MAP3K7: variants seen among roughly 807,000 people sequenced by gnomAD.
MAP3K7 encodes mitogen-activated protein kinase kinase kinase 7.
MAP3K7 carries 21 observed loss-of-function variants against 84.8 expected under a neutral mutation model. The observed-to-expected ratio is 0.25, with a 90% CI of 0.18 to 0.36. MAP3K7 has a LOEUF of 0.36. Among genes scored for constraint, MAP3K7 ranks in the 10% least tolerant of loss-of-function variants. MAP3K7 has a pLI of 1.00. For missense variants in MAP3K7, 503 were observed against 747.7 expected, an observed-to-expected ratio of 0.67 and a Z score of 3.82; for synonymous variants, 241 against 247.7, an observed-to-expected ratio of 0.97 and a Z score of 0.25.
chr6:90,540,174 T>G (rs2127967284), intron 12 of MAP3K7, among the ~76,000 whole-genome samples: 1 of 152,024 alleles, frequency 6.6e-6, no homozygotes, highest in Non-Finnish European at 1.5e-5. Context: ...TATTCAATCT[T>G]CTTTTGCATA....
intron 13 of MAP3K7, among the ~76,000 whole-genome samples, chr6:90,535,937 G>T (rs939936834): frequency 2.6e-5 from 4 of 152,152 alleles, no homozygotes; most frequent in African/African-American, 7.2e-5. Flanking sequence ...GGCGCTAGAG[G>T]AGTAGCAACT....
rs770452435 is a variant in MAP3K7, at chr6:90,536,384, G to C, written c.1309C>G (p.Arg437Gly). 3.1e-6 allele frequency: 5 copies of C among 1,611,794 alleles called. No homozygotes were observed. Among genetic ancestry groups the C allele is most frequent in the Non-Finnish European group, 4.2e-6 (5 of 1,178,452 alleles). The change falls in exon 13 of 17, where the codon CGT (arginine) becomes GGT (glycine). Residue 437 changes from arginine to glycine, a missense_variant. Arg to Gly is a moderately radical substitution (Grantham distance 125). Around this residue, in one of 5 missense-constraint regions of MAP3K7, gnomAD observed 286 missense variants for 313.6 expected, o/e 0.91. Coordinates refer to ENST00000369329, the MANE Select transcript of MAP3K7 (RefSeq NM_145331.3). ...ACAGTCAAGTCTTGGATGGATCTAC[G>C]TCTTGGCTGTCCGTTGCCTTTAAAA... is the stretch of plus-strand genomic sequence containing the variant. ...IVISGNGQPRRRSIQDLTVTG... is the reference protein window; with the variant it reads ...IVISGNGQPRGRSIQDLTVTG...
intron 14 of MAP3K7, among the ~76,000 whole-genome samples, chr6:90,523,365 G>T (rs530734689): frequency 6.6e-6 from 1 of 151,968 alleles, no homozygotes; most frequent in South Asian, 2.1e-4. Flanking sequence ...CTAGTAGGAT[G>T]AATCTAGTAG....
intron 5 of MAP3K7, 24 bp from the exon 6 acceptor site, chr6:90,556,648 A>G: frequency 6.4e-7 from 1 of 1,573,048 alleles, no homozygotes; most frequent in East Asian, 2.3e-5. Context: ...AACAAAAAAC[A>G]TCAAAAGTTA....
chr6:90,547,181 C>A, intron 11 of MAP3K7, 77 bp downstream of exon 11: 2 of 1,533,910 alleles, frequency 1.3e-6, no homozygotes, highest in Non-Finnish European at 1.8e-6. Context: ...ACACAAAAAA[C>A]CTTTGACAAC....
intron 13 of MAP3K7, among the ~76,000 whole-genome samples, chr6:90,526,225 T>C (rs1213212503): frequency 6.6e-6 from 1 of 152,084 alleles, no homozygotes; most frequent in Non-Finnish European, 1.5e-5. Context: ...ACAGTAAAAC[T>C]TGAACTCCAT....
chr6:90,547,227 T>C (rs1776029599), intron 11 of MAP3K7, 31 bp downstream of exon 11: 9 of 1,612,044 alleles, frequency 5.6e-6, no homozygotes, highest in Non-Finnish European at 6.8e-6. Context: ...TATATACATT[T>C]TCACTCTTCA....
chr6:90,572,256 G>A (rs1776930588), intron 1 of MAP3K7, among the ~76,000 whole-genome samples: 1 of 152,040 alleles, frequency 6.6e-6, no homozygotes, highest in Non-Finnish European at 1.5e-5. Context: ...CAGGGATAGG[G>A]AATGGAGGAG....
chr6:90,533,687 ATCACGGTC>A (rs1183098675), intron 13 of MAP3K7, among the ~76,000 whole-genome samples: 2 of 152,158 alleles, frequency 1.3e-5, no homozygotes, highest in Admixed American at 6.6e-5. Flanking sequence ...GTCTCCTTTT[ATCACGGTC>A]TCAGCATTAT....
chr6:90,546,069 G>T (rs1009249619), intron 11 of MAP3K7, among the ~76,000 whole-genome samples: 1 of 152,116 alleles, frequency 6.6e-6, no homozygotes, highest in African/African-American at 2.4e-5. Flanking sequence ...GTTACTTCAA[G>T]ATCACAGAGC....
chr6:90,535,929 C>T (rs991589037), intron 13 of MAP3K7, among the ~76,000 whole-genome samples: 19 of 152,294 alleles, frequency 1.2e-4, no homozygotes, highest in South Asian at 2.1e-4. Flanking sequence ...CCCTACGTGG[C>T]GCTAGAGGAG....
intron 12 of MAP3K7, among the ~76,000 whole-genome samples, chr6:90,541,250 T>C (rs1389814554): frequency 6.6e-6 from 1 of 152,032 alleles, no homozygotes; most frequent in African/African-American, 2.4e-5. Context: ...ATAAAAAACA[T>C]TTAAGAAAAT....
intron 1 of MAP3K7, among the ~76,000 whole-genome samples, chr6:90,583,173 G>A (rs566690881): frequency 6.6e-6 from 1 of 152,072 alleles, no homozygotes; most frequent in Non-Finnish European, 1.5e-5. Flanking sequence ...GTGAGCCACC[G>A]CACCAAGCCC....
intron 14 of MAP3K7, among the ~76,000 whole-genome samples, chr6:90,520,292 G>A (rs34495584): frequency 0.011 from 1,695 of 152,064 alleles, 32 homozygotes; most frequent in African/African-American, 0.039. Context: ...GACAGCAGAC[G>A]CACTGTATGC....
At chr6:90,579,122 G>A (rs1419930657) in intron 1 of MAP3K7, among the ~76,000 whole-genome samples, 3 of 152,190 alleles carry the variant, frequency 2.0e-5, no homozygotes, top group Admixed American at 1.3e-4. Context: ...ATTTGGTCCA[G>A]TGCCTGGTAC....
intron 11 of MAP3K7, among the ~76,000 whole-genome samples, chr6:90,545,358 G>A (rs545864082): frequency 1.3e-5 from 2 of 152,202 alleles, no homozygotes; most frequent in South Asian, 4.1e-4. Context: ...TTTAATGTGT[G>A]TGGTTATCCT....
intron 12 of MAP3K7, 54 bp downstream of exon 12, chr6:90,544,498 G>C: frequency 6.8e-7 from 1 of 1,470,974 alleles, no homozygotes; most frequent in Non-Finnish European, 9.5e-7. Flanking sequence ...CAAGTACCAG[G>C]GATCATTATT....
At chr6:90,561,559 T>G in intron 4 of MAP3K7, 63 bp downstream of exon 4, 1 of 1,244,870 alleles carries the variant, frequency 8.0e-7, no homozygotes, top group Non-Finnish European at 1.2e-6. Flanking sequence ...AACTTAGGGT[T>G]TATATTAAAA....
rs1343503755 is a variant in MAP3K7 at position 90,536,361 on chromosome 6, A to C, written c.1332T>G (p.Thr444=). 3 of 1,612,440 alleles carry C rather than the reference A, an allele frequency of 1.9e-6. No individual in the cohort carries two copies. Among genetic ancestry groups the C allele is most frequent in the Non-Finnish European group, 2.5e-6 (3 of 1,178,778 alleles). The stretch of plus-strand genomic sequence containing the variant: ...CCTGACCAGGTTCTGTTCCAGTTAC[A>C]GTCAAGTCTTGGATGGATCTACGTC... ...QPRRRSIQDL[T]VTGTEPGQVS... Residue 444 remains threonine, a synonymous_variant, in exon 13 of 17, where the codon ACT becomes ACG. Coordinates refer to ENST00000369329, the MANE Select transcript of MAP3K7 (RefSeq NM_145331.3).
Sources: allele counts gnomAD v4.1 joint callset (sites outside exome capture counted in the v4.1 genomes callset), GRCh38; gene constraint gnomAD v4.1.1; regional missense constraint gnomAD v4.1.1; transcripts MANE v1.5; gene names NCBI Gene and HGNC (gene_info 2026-07-23, HGNC 2026-07-21).